The following SPINK5 variants were observed in gnomAD, a reference collection of about 807,000 sequenced individuals.
SPINK5 encodes serine peptidase inhibitor Kazal type 5.
Under a neutral mutation model 151.8 loss-of-function variants are expected in SPINK5, and 125 were observed. The ratio of observed to expected loss-of-function variants is 0.82; its 90% CI spans 0.71 to 0.96. The LOEUF is 0.96. SPINK5 is among the 40% of genes least tolerant of loss of function. The pLI is 0.00. For synonymous variants in SPINK5, 374 were observed against 395.3 expected (o/e 0.95, Z 0.64); for missense variants, 1,194 against 1,291.9 (o/e 0.92, Z 1.16).
At chr5:148,121,492 A>C (rs575205409) in intron 26 of SPINK5, among the ~76,000 whole-genome samples, 1 of 152,222 alleles carries the variant, frequency 6.6e-6, no homozygotes, top group Non-Finnish European at 1.5e-5. Flanking sequence ...GTTACGGTAG[A>C]TGAAATGGCT....
intron 26 of SPINK5, among the ~76,000 whole-genome samples, chr5:148,120,962 G>T (rs1754241794): frequency 6.6e-6 from 1 of 151,714 alleles, no homozygotes; most frequent in South Asian, 2.1e-4. Context: ...GGCTAGCACG[G>T]TGAAACCCCG....
chr5:148,111,195 G>A (rs10038991), intron 18 of SPINK5, among the ~76,000 whole-genome samples: 111,361 of 151,032 alleles, frequency 0.74, 41,900 homozygotes, highest in East Asian at 0.92. Context: ...CCCCTTCTCT[G>A]TCTACAAAGC....
At chr5:148,072,303 T>C in intron 4 of SPINK5, 83 bp downstream of exon 4, 1 of 1,429,816 alleles carries the variant, frequency 7.0e-7, no homozygotes, top group Non-Finnish European at 9.8e-7. Context: ...CCTTAATTAC[T>C]AGGTCATACC....
chr5:148,064,193 T>A (rs551044093), intron 1 of SPINK5, 94 bp downstream of exon 1: 2 of 1,287,152 alleles, frequency 1.6e-6, no homozygotes, highest in Non-Finnish European at 2.3e-6. Flanking sequence ...AAAAAATGTT[T>A]ACGTATGCAT....
At chr5:148,120,778 T>A (rs1226343442) in intron 26 of SPINK5, among the ~76,000 whole-genome samples, 1 of 152,090 alleles carries the variant, frequency 6.6e-6, no homozygotes, top group Non-Finnish European at 1.5e-5. Context: ...ACTCTGCTGT[T>A]TCTGAATTTT....
chr5:148,072,891 A>G (rs1393610442), intron 4 of SPINK5, among the ~76,000 whole-genome samples: 2 of 151,384 alleles, frequency 1.3e-5, no homozygotes, highest in Admixed American at 1.3e-4. Flanking sequence ...GTCATAAAAC[A>G]TTAAGAAGTA....
At position 148,106,383 on chromosome 5, in the gene SPINK5, G is replaced by A. The variant is rs537886647; in HGVS notation, c.1480-654G>A. The stretch of plus-strand genomic sequence containing the variant: ...GTTGCCCAGGCTGTAGTGTAGTGGT[G>A]CGATCAAAGCTCACTACAACTTCGA... On this transcript the variant is annotated intron_variant, in intron 16 of 32. Coordinates refer to ENST00000256084, the MANE Select transcript of SPINK5 (RefSeq NM_006846.4). 7.9e-5 allele frequency among the ~76,000 whole-genome samples: 12 copies of A among 152,122 alleles called. No individual in the cohort carries two copies. The East Asian group carries it at 2.3e-3, about 29-fold the overall frequency.
rs948482847 is a variant in SPINK5 at position 148,091,202 on chromosome 5, A to C, written c.640A>C (p.Thr214Pro). ...TGAAAATGCCAAGCGAGAGGGTGAA[A>C]CTAGAATTCGACGAAATGCTGAAAA... ...EAENAKREGE[T>P]RIRRNAEKDF... The change falls in exon 8 of 33, where the codon ACT becomes CCT. Residue 214 changes from threonine to proline, a missense_variant. Physicochemically the swap from Thr to Pro is conservative, Grantham distance 38 (BLOSUM62 -1). Coordinates refer to ENST00000256084, the MANE Select transcript of SPINK5 (RefSeq NM_006846.4). The C allele has an allele frequency of 6.2e-7, 1 of 1,611,564 alleles. No individual in the cohort carries two copies. The highest frequency in any genetic ancestry group is 8.5e-7 in the Non-Finnish European group (1 of 1,178,628).
intron 18 of SPINK5, among the ~76,000 whole-genome samples, chr5:148,109,755 C>T (rs1397505775): frequency 6.6e-6 from 1 of 152,098 alleles, no homozygotes; most frequent in Non-Finnish European, 1.5e-5. Flanking sequence ...TTGCTCTCTA[C>T]AATCTACTCT....
intron 26 of SPINK5, among the ~76,000 whole-genome samples, chr5:148,121,657 A>T (rs1561702527): frequency 1.0e-5 from 1 of 98,498 alleles, no homozygotes; most frequent in South Asian, 3.1e-4. Flanking sequence ...GAGTAAAAAA[A>T]AAATAAAGAA....
intron 18 of SPINK5, among the ~76,000 whole-genome samples, chr5:148,110,128 T>G (rs1753885378): frequency 6.6e-6 from 1 of 152,204 alleles, no homozygotes; most frequent in Non-Finnish European, 1.5e-5. Flanking sequence ...CTTCATATAT[T>G]AGCTTTCTCA....
At position 148,101,470 on chromosome 5, in the gene SPINK5, A is replaced by G. The variant is rs1395864461; in HGVS notation, c.1302+34A>G. On this transcript the variant is annotated intron_variant, in intron 14 of 32. Transcript: ENST00000256084. Reference sequence around the variant, plus strand: ...ATATCCTCCAGCAACTCAGAGGGATATGGCCCTGAGGATCCACAGATCATG... The same window carrying G: ...ATATCCTCCAGCAACTCAGAGGGATGTGGCCCTGAGGATCCACAGATCATG... 2.7e-6 allele frequency: 4 copies of G among 1,498,126 alleles called. No homozygotes were observed. In the South Asian group the frequency reaches 4.5e-5, roughly 17 times the overall value. The allele number at this position is 1,498,126 out of a possible 1,614,324, so 92.8% of individuals were successfully genotyped here.
At chr5:148,124,027 C>A (rs367917244) in intron 27 of SPINK5, 67 bp downstream of exon 27, 1 of 1,570,374 alleles carries the variant, frequency 6.4e-7, no homozygotes, top group Non-Finnish European at 8.7e-7. Flanking sequence ...GTTTTTGTTA[C>A]TTTTAAAACC....
At chr5:148,102,477 C>A (rs1753673199) in intron 15 of SPINK5, among the ~76,000 whole-genome samples, 1 of 152,122 alleles carries the variant, frequency 6.6e-6, no homozygotes. Flanking sequence ...TACCAAACAT[C>A]ACACTGAATT....
At position 148,101,857 on chromosome 5, in the gene SPINK5, G is replaced by A; in HGVS notation, c.1379G>A (p.Gly460Asp). ...FCTRENDPIQ[G>D]PDGKMHGNTC... is the part of the protein sequence containing the mutation. ...ACCAGAGAGAATGACCCCATCCAGG[G>A]CCCAGATGGAAAAATGCATGGCAAC... The change falls in exon 15 of 33, where the codon GGC becomes GAC. Residue 460 changes from glycine to aspartate, a missense_variant. By Grantham distance (94) the Gly-to-Asp change is moderately conservative. Coordinates refer to ENST00000256084, the MANE Select transcript of SPINK5 (RefSeq NM_006846.4). 6.2e-7 allele frequency: 1 copy of A among 1,613,796 alleles called. No individual in the cohort carries two copies. Among genetic ancestry groups the A allele is most frequent in the Non-Finnish European group, 8.5e-7 (1 of 1,179,812 alleles).
At chr5:148,113,670 A>G (rs1467399841) in intron 20 of SPINK5, among the ~76,000 whole-genome samples, 3 of 152,238 alleles carry the variant, frequency 2.0e-5, no homozygotes, top group African/African-American at 7.2e-5. Context: ...AATAACCTCT[A>G]AAGAAGTATC....
At chr5:148,098,110 A>T (rs1162056584) in intron 11 of SPINK5, 116 bp downstream of exon 11, 5 of 986,730 alleles carry the variant, frequency 5.1e-6, no homozygotes, top group Non-Finnish European at 7.7e-6. Flanking sequence ...GTGAGTTGAA[A>T]ACATTACATG....
At chr5:148,069,951 C>T (rs1752694661) in intron 2 of SPINK5, among the ~76,000 whole-genome samples, 1 of 152,078 alleles carries the variant, frequency 6.6e-6, no homozygotes, top group Admixed American at 6.6e-5. Flanking sequence ...ATGTTCAATG[C>T]TCAAACACCT....
chr5:148,101,933 C>A lies in SPINK5; in HGVS notation c.1430+25C>A, dbSNP rs752308480. The A allele has an allele frequency of 6.2e-6, 10 of 1,612,876 alleles. No individual in the cohort carries two copies. In the South Asian group the frequency reaches 1.1e-4, roughly 18 times the overall value. ...TGTGAGTAGAGCAGTAGCCCCATAGCGTCTGAGGATTGAGCAGTGGGAATT... is the reference window on the plus strand; with the variant it reads ...TGTGAGTAGAGCAGTAGCCCCATAGAGTCTGAGGATTGAGCAGTGGGAATT... On this transcript the variant is annotated intron_variant, in intron 15 of 32. Coordinates refer to ENST00000256084, the MANE Select transcript of SPINK5 (RefSeq NM_006846.4).
Sources: allele counts gnomAD v4.1 joint callset (sites outside exome capture counted in the v4.1 genomes callset), GRCh38; gene constraint gnomAD v4.1.1; transcripts MANE v1.5; gene names NCBI Gene and HGNC (gene_info 2026-07-23, HGNC 2026-07-21).